The following FBXL2 variants were observed in gnomAD, a reference collection of about 807,000 sequenced individuals.
The protein encoded by FBXL2 is F-box/LRR-repeat protein 2.
Under a neutral mutation model 69.2 loss-of-function variants are expected in FBXL2, and 38 were observed. The observed-to-expected ratio is 0.55, with a 90% CI of 0.42 to 0.72. The LOEUF (loss-of-function observed/expected upper bound fraction) is 0.72, where lower values mean the gene tolerates loss of function less well. FBXL2 is among the 30% of genes least tolerant of loss of function. FBXL2 has a pLI of 0.00. For missense variants in FBXL2, 354 were observed against 520.3 expected (o/e 0.68, Z 3.11); for synonymous variants, 192 against 201.3 (o/e 0.95, Z 0.39).
chr3:33,407,695 T>A (rs2044464687), downstream of FBXL2, among the ~76,000 whole-genome samples: 1 of 152,220 alleles, frequency 6.6e-6, no homozygotes, highest in Non-Finnish European at 1.5e-5. Flanking sequence ...CTTGTGATAG[T>A]GCTTGTGACA....
intron 2 of FBXL2, among the ~76,000 whole-genome samples, chr3:33,310,755 G>GT (rs200013008): frequency 6.1e-4 from 92 of 151,350 alleles, no homozygotes; most frequent in African/African-American, 2.1e-3. Flanking sequence ...AGTAGGGAGG[G>GT]TTTTTTTAAA....
chr3:33,279,651 C>A lies in FBXL2; in HGVS notation c.3+2136C>A, dbSNP rs759504048. On this transcript the variant is annotated intron_variant, in intron 1 of 14. Transcript: ENST00000484457. Reference sequence around the variant, plus strand: ...TTAGCCGTTGATATAAATGACTTGGCACATTAATTTTGGAACTATTTCTCA... The same window carrying A: ...TTAGCCGTTGATATAAATGACTTGGAACATTAATTTTGGAACTATTTCTCA... Among the ~76,000 whole-genome samples the A allele has an allele frequency of 2.0e-5, 3 of 152,124 alleles. No homozygotes were observed. In the East Asian group the frequency reaches 5.8e-4, roughly 29 times the overall value.
chr3:33,381,823 T>C (rs1390445644), intron 13 of FBXL2, among the ~76,000 whole-genome samples: 2 of 152,188 alleles, frequency 1.3e-5, no homozygotes, highest in Non-Finnish European at 1.5e-5. Context: ...ATGAACAGCA[T>C]TGATTACATA....
chr3:33,388,486 G>A (rs2043608184), downstream of FBXL2: 1 of 152,578 alleles, frequency 6.6e-6, no homozygotes, highest in Non-Finnish European at 1.5e-5. Flanking sequence ...ATAATTTCAA[G>A]TCTGATAAGC....
chr3:33,395,673 T>C lies in FBXL2; in HGVS notation n.1215-7561T>C, dbSNP rs117101101. On this transcript the variant is annotated intron_variant and non_coding_transcript_variant, in intron 12 of 12. Coordinates refer to the FBXL2 transcript ENST00000463736. ...ACTTGTCAGTGACAAGTCCACACAC[T>C]TAGGACTATTACATGCAGGCACTGT... Among the ~76,000 whole-genome samples, 31 of 147,056 alleles carry C rather than the reference T, an allele frequency of 2.1e-4. No individual in the cohort carries two copies. The East Asian group carries it at 6.1e-3, about 29-fold the overall frequency.
intron 2 of FBXL2, among the ~76,000 whole-genome samples, chr3:33,335,155 T>A (rs2039479529): frequency 6.6e-6 from 1 of 151,474 alleles, no homozygotes; most frequent in Non-Finnish European, 1.5e-5. Flanking sequence ...TAAGAAATAA[T>A]TGAAAGCCAA....
chr3:33,402,977 T>C, intron 12 of FBXL2: 5 of 1,281,174 alleles, frequency 3.9e-6, no homozygotes, highest in Non-Finnish European at 4.4e-6. Context: ...TGTAATTCAC[T>C]CACTAACCAA....
intron 1 of FBXL2, among the ~76,000 whole-genome samples, chr3:33,289,374 C>T (rs896013167): frequency 2.0e-5 from 3 of 151,976 alleles, no homozygotes; most frequent in African/African-American, 4.8e-5. Context: ...TTTCCTGTTA[C>T]GATGTTGCAA....
At chr3:33,335,805 A>AAC (rs1303347072) in intron 2 of FBXL2, among the ~76,000 whole-genome samples, 3 of 152,206 alleles carry the variant, frequency 2.0e-5, no homozygotes, top group Admixed American at 2.0e-4. Flanking sequence ...AAATGAGTCT[A>AAC]ACACTCCTAT....
chr3:33,313,484 C>T (rs746458753), intron 2 of FBXL2, among the ~76,000 whole-genome samples: 5 of 152,148 alleles, frequency 3.3e-5, no homozygotes, highest in Non-Finnish European at 7.3e-5. Flanking sequence ...CTCACTCTGT[C>T]ACCCAGGCTG....
chr3:33,286,456 A>T (rs565730127), intron 1 of FBXL2, among the ~76,000 whole-genome samples: 42 of 152,214 alleles, frequency 2.8e-4, no homozygotes, highest in African/African-American at 1.0e-3. Flanking sequence ...CTACTGGGAG[A>T]TGTCTCCCAG....
chr3:33,333,280 T>A (rs370903346), intron 2 of FBXL2, among the ~76,000 whole-genome samples: 1 of 152,190 alleles, frequency 6.6e-6, no homozygotes, highest in East Asian at 1.9e-4. Context: ...TGATAATAAC[T>A]ATGTCGAGGA....
At chr3:33,345,028 A>G (rs939157998) in intron 2 of FBXL2, among the ~76,000 whole-genome samples, 1 of 152,230 alleles carries the variant, frequency 6.6e-6, no homozygotes, top group African/African-American at 2.4e-5. Context: ...AGAAACAATG[A>G]AAGTCTTATG....
chr3:33,317,605 G>GC (rs1347750127), intron 2 of FBXL2: 3 of 441,946 alleles, frequency 6.8e-6, no homozygotes, highest in Non-Finnish European at 9.1e-6. Context: ...CCTTATCCTA[G>GC]CAGTAGGGGT....
intron 2 of FBXL2, among the ~76,000 whole-genome samples, chr3:33,325,170 G>A (rs113934247): frequency 0.097 from 14,808 of 152,138 alleles, 743 homozygotes; most frequent in African/African-American, 0.11. Flanking sequence ...GAAGTTGCCT[G>A]TCAGCTTAAG....
At chr3:33,277,676 C>G (rs1223767539) in intron 1 of FBXL2, among the ~76,000 whole-genome samples, 161 bp downstream of exon 1, 2 of 151,902 alleles carry the variant, frequency 1.3e-5, no homozygotes, top group African/African-American at 4.8e-5. Flanking sequence ...TGGGCGGGCC[C>G]GGGGAGGGGT....
At chr3:33,321,866 T>C (rs2038252956) in intron 2 of FBXL2, among the ~76,000 whole-genome samples, 1 of 152,122 alleles carries the variant, frequency 6.6e-6, no homozygotes, top group South Asian at 2.1e-4. Flanking sequence ...CCATTGTATA[T>C]GTAGTCCATT....
At chr3:33,299,379 A>G (rs1233880449) in intron 2 of FBXL2, among the ~76,000 whole-genome samples, 10 of 152,214 alleles carry the variant, frequency 6.6e-5, no homozygotes, top group Non-Finnish European at 1.5e-5. Flanking sequence ...TTTGGGGGAA[A>G]TGCTGACATA....
At chr3:33,320,024 A>G (rs1452510906) in intron 2 of FBXL2, among the ~76,000 whole-genome samples, 1 of 152,224 alleles carries the variant, frequency 6.6e-6, no homozygotes, top group Non-Finnish European at 1.5e-5. Context: ...AGATAGGCCC[A>G]GTATTACAGA....
Sources: gnomAD v4.1 joint callset for allele counts (sites outside exome capture counted in the v4.1 genomes callset) on GRCh38, gnomAD v4.1.1 for gene constraint, MANE v1.5 for transcripts, NCBI Gene and HGNC (gene_info 2026-07-23, HGNC 2026-07-21) for gene names.